NDFIP1: variants seen among roughly 807,000 people sequenced by gnomAD.
NDFIP1 encodes the protein Nedd4 family interacting protein 1.
NDFIP1 carries 7 observed loss-of-function variants against 28.8 expected under a neutral mutation model. That is an observed-to-expected ratio of 0.24 (90% CI 0.14 to 0.46). The LOEUF (loss-of-function observed/expected upper bound fraction) is 0.46. NDFIP1 is among the 20% of genes least tolerant of loss of function. The probability of loss-of-function intolerance (pLI) is 0.99; values close to 1 mark genes in which losing one functional copy is unlikely to be tolerated. For synonymous variants in NDFIP1, 92 were observed against 101.0 expected (o/e 0.91, Z 0.53); for missense variants, 194 against 269.1 (o/e 0.72, Z 1.95).
chr5:142,111,898 C>T (rs928455181), intron 1 of NDFIP1, among the ~76,000 whole-genome samples: 1 of 151,630 alleles, frequency 6.6e-6, no homozygotes, highest in African/African-American at 2.4e-5. Flanking sequence ...AAAACCTTGC[C>T]TCTACTAAAA....
intron 3 of NDFIP1, 63 bp downstream of exon 3, chr5:142,132,405 C>A: frequency 1.3e-6 from 2 of 1,555,640 alleles, no homozygotes; most frequent in Non-Finnish European, 8.7e-7. Flanking sequence ...TTTTCATTAT[C>A]CAATTTTGAT....
intron 3 of NDFIP1, among the ~76,000 whole-genome samples, chr5:142,135,501 A>G (rs898102817): frequency 6.6e-6 from 1 of 152,198 alleles, no homozygotes; most frequent in African/African-American, 2.4e-5. Flanking sequence ...CTTGGGTTAT[A>G]AGATGAAAAT....
intron 1 of NDFIP1, among the ~76,000 whole-genome samples, chr5:142,111,641 T>G (rs559266206): frequency 1.3e-5 from 2 of 152,362 alleles, no homozygotes; most frequent in East Asian, 3.9e-4. Context: ...GCTAGTTTTC[T>G]CACCAAGTAA....
intron 1 of NDFIP1, among the ~76,000 whole-genome samples, chr5:142,115,065 A>G (rs1415740237): frequency 6.6e-6 from 1 of 152,220 alleles, no homozygotes; most frequent in East Asian, 1.9e-4. Context: ...TATCCTAGAC[A>G]TTAATTATAT....
At chr5:142,142,715 G>A (rs1173205772) in intron 6 of NDFIP1, among the ~76,000 whole-genome samples, 1 of 151,742 alleles carries the variant, frequency 6.6e-6, no homozygotes, top group Non-Finnish European at 1.5e-5. Flanking sequence ...ATAACTTGAG[G>A]TCAGGAGTTC....
At chr5:142,133,018 G>A (rs746653808) in intron 3 of NDFIP1, among the ~76,000 whole-genome samples, 1 of 152,246 alleles carries the variant, frequency 6.6e-6, no homozygotes, top group East Asian at 1.9e-4. Context: ...CCAGAAATGC[G>A]GGGACCATCA....
At position 142,141,597 on chromosome 5, in the gene NDFIP1, A is replaced by AAT. The variant is rs567596540; in HGVS notation, c.562+975_562+976dup. 2.6e-5 allele frequency among the ~76,000 whole-genome samples: 4 copies of AAT among 152,352 alleles called. No individual in the cohort carries two copies. The South Asian group carries it at 8.3e-4, about 32-fold the overall frequency. Reference sequence around the variant, plus strand: ...TGGCTTCTTGATTATATGTAAAGAAAATATATATGATACAGTTAGAGAGAC... The same window carrying AAT: ...TGGCTTCTTGATTATATGTAAAGAAAATATATATATGATACAGTTAGAGAGAC... On this transcript the variant is annotated intron_variant, in intron 6 of 7. Coordinates refer to ENST00000253814, the MANE Select transcript of NDFIP1 (RefSeq NM_030571.4).
intron 5 of NDFIP1, 39 bp downstream of exon 5, chr5:142,137,897 GC>G (rs1250647184): frequency 6.4e-7 from 1 of 1,554,990 alleles, no homozygotes; most frequent in Admixed American, 2.0e-5. Flanking sequence ...CTACAGAGAG[GC>G]AATAATCAGA....
At chr5:142,151,168 CA>C (rs1757443298) in intron 7 of NDFIP1, among the ~76,000 whole-genome samples, 1 of 152,174 alleles carries the variant, frequency 6.6e-6, no homozygotes, top group African/African-American at 2.4e-5. Context: ...GCCCCAAATA[CA>C]ATGACTTTTT....
At chr5:142,117,049 ATTTAGCAT>A in intron 1 of NDFIP1, among the ~76,000 whole-genome samples, 1 of 152,102 alleles carries the variant, frequency 6.6e-6, no homozygotes, top group East Asian at 1.9e-4. Flanking sequence ...TCCCCGAGCA[ATTTAGCAT>A]AATCTTTGAC....
intron 7 of NDFIP1, among the ~76,000 whole-genome samples, chr5:142,147,026 G>C (rs529217907): frequency 3.3e-5 from 5 of 152,116 alleles, no homozygotes; most frequent in Non-Finnish European, 5.9e-5. Flanking sequence ...AGGAGTGTAC[G>C]TTAAGAGTTG....
chr5:142,135,844 C>T (rs1596790906), intron 4 of NDFIP1, 27 bp downstream of exon 4: 1 of 1,530,960 alleles, frequency 6.5e-7, no homozygotes, highest in Non-Finnish European at 9.0e-7. Context: ...ATCAGAACCA[C>T]CCCCTACAAA....
At chr5:142,121,893 C>T (rs1323604771) in intron 1 of NDFIP1, among the ~76,000 whole-genome samples, 1 of 152,224 alleles carries the variant, frequency 6.6e-6, no homozygotes, top group Non-Finnish European at 1.5e-5. Context: ...TTGGCCAACA[C>T]TCACTAATGT....
chr5:142,117,198 G>C (rs6886204), intron 1 of NDFIP1, among the ~76,000 whole-genome samples: 10,739 of 151,798 alleles, frequency 0.071, 493 homozygotes, highest in Middle Eastern at 0.14. Context: ...GAGATATAAG[G>C]GTTTAGGGAG....
chr5:142,128,872 C>T (rs1596787773), intron 1 of NDFIP1, among the ~76,000 whole-genome samples: 1 of 152,280 alleles, frequency 6.6e-6, no homozygotes, highest in Middle Eastern at 3.4e-3. Flanking sequence ...TTTATTTGCA[C>T]TGTCATCTTT....
At position 142,143,131 on chromosome 5, in the gene NDFIP1, A is replaced by T. The variant is rs537610258; in HGVS notation, c.563-1440A>T. The T allele has an allele frequency of 5.3e-5, 8 of 151,782 alleles. No individual in the cohort carries two copies. In the South Asian group the frequency reaches 1.7e-3, roughly 32 times the overall value. 9.4% of individuals were successfully genotyped at this position (151,782 alleles called of 1,614,324 possible). ...TTGAGCTATAGTTAGCCTATAGTTTATTTGTTCCACAGTTATTTTTCAAGT... is the reference window on the plus strand; with the variant it reads ...TTGAGCTATAGTTAGCCTATAGTTTTTTTGTTCCACAGTTATTTTTCAAGT... On this transcript the variant is annotated intron_variant, in intron 6 of 7. Transcript: ENST00000253814.
intron 1 of NDFIP1, among the ~76,000 whole-genome samples, chr5:142,118,377 G>A (rs977809148): frequency 2.6e-5 from 4 of 152,106 alleles, no homozygotes; most frequent in African/African-American, 9.7e-5. Context: ...AGGAGTATTG[G>A]TCAGGTCTTT....
At chr5:142,116,352 T>TCTTTCTCTCTCTCTC (rs1561597776) in intron 1 of NDFIP1, among the ~76,000 whole-genome samples, 2 of 116,274 alleles carry the variant, frequency 1.7e-5, no homozygotes, top group African/African-American at 8.5e-5. Flanking sequence ...CCTTCCTTCT[T>TCTTTCTCTCTCTCTC]TCTCTCTCTC....
rs761699097 is a variant in NDFIP1, at chr5:142,150,180, C to CA, written c.*3-1531dup. Among the ~76,000 whole-genome samples the CA allele has an allele frequency of 6.4e-4, 51 of 79,312 alleles. 1 individual carries two copies. The highest frequency in any genetic ancestry group is 1.2e-3 in the African/African-American group (20 of 16,212). 52.0% of individuals were successfully genotyped at this position (79,312 alleles called of 152,430 possible). ...TGGGTGATAGAGCGGGACTCCGTCT[C>CA]AAAAAAAAAAAAAAAAAAAATATAT... On this transcript the variant is annotated intron_variant, in intron 7 of 7. Coordinates refer to ENST00000253814, the MANE Select transcript of NDFIP1 (RefSeq NM_030571.4).
Sources: gnomAD v4.1 joint callset for allele counts (sites outside exome capture counted in the v4.1 genomes callset) on GRCh38, gnomAD v4.1.1 for gene constraint, MANE v1.5 for transcripts, NCBI Gene and HGNC (gene_info 2026-07-23, HGNC 2026-07-21) for gene names.